Variants in NHLRC3 observed in about 807,000 individuals in gnomAD.
The protein encoded by NHLRC3 is NHL repeat-containing protein 3.
NHLRC3 carries 23 observed loss-of-function variants against 32.0 expected under a neutral mutation model. The observed-to-expected ratio is 0.72, with a 90% CI of 0.52 to 1.02. The LOEUF (loss-of-function observed/expected upper bound fraction) is 1.02, where lower values mean the gene tolerates loss of function less well. NHLRC3 is among the 50% of genes least tolerant of loss of function. The pLI is 0.00. For synonymous variants in NHLRC3, 159 were observed against 147.9 expected (o/e 1.08, Z -0.55); for missense variants, 407 against 406.8 (o/e 1.00, Z -0.01).
At position 39,048,087 on chromosome 13, in the gene NHLRC3, C is replaced by G; in HGVS notation, c.*161C>G. Reference sequence around the variant, plus strand: ...ATTAAGAATCTTATATTTTGTTGCCCTCTTGGGACTTAGTTTTATTTGTAA... The same window carrying G: ...ATTAAGAATCTTATATTTTGTTGCCGTCTTGGGACTTAGTTTTATTTGTAA... On this transcript the variant is annotated 3_prime_UTR_variant, in exon 7 of 7. Coordinates refer to ENST00000379600, the MANE Select transcript of NHLRC3 (RefSeq NM_001012754.4). The G allele has an allele frequency of 1.6e-6, 1 of 609,772 alleles. No individual in the cohort carries two copies. The highest frequency in any genetic ancestry group is 2.8e-6 in the Non-Finnish European group (1 of 359,804). 37.8% of individuals were successfully genotyped at this position (609,772 alleles called of 1,614,324 possible).
chr13:39,039,833 A>T (rs1287829166), intron 3 of NHLRC3, 122 bp downstream of exon 3: 1 of 693,362 alleles, frequency 1.4e-6, no homozygotes, highest in Non-Finnish European at 2.3e-6. Context: ...ACGATTCATG[A>T]AATCACATGT....
Position 39,038,735 on chromosome 13 carries a change from A to G in NHLRC3, c.84+12A>G, listed in dbSNP as rs1871314243. Reference sequence around the variant, plus strand: ...TTTGTGGCTCTCCAGTGAGTTGGGTAGTGAGGAAATGACTGTCGGGTGTGC... The same window carrying G: ...TTTGTGGCTCTCCAGTGAGTTGGGTGGTGAGGAAATGACTGTCGGGTGTGC... On this transcript the variant is annotated intron_variant, in intron 1 of 6. Coordinates refer to ENST00000379600, the MANE Select transcript of NHLRC3 (RefSeq NM_001012754.4). The G allele has an allele frequency of 6.2e-7, 1 of 1,608,536 alleles. No individual in the cohort carries two copies. Among genetic ancestry groups the G allele is most frequent in the Non-Finnish European group, 8.5e-7 (1 of 1,174,898 alleles).
At chr13:39,042,010 T>A in intron 3 of NHLRC3, 95 bp from the exon 4 acceptor site, 1 of 678,298 alleles carries the variant, frequency 1.5e-6, no homozygotes, top group South Asian at 1.8e-5. Context: ...TTGTTATTAT[T>A]TACTTCTATC....
Position 39,038,723 on chromosome 13 carries a change from A to C in NHLRC3, c.84A>C (p.Pro28=), listed in dbSNP as rs1871313145. The C allele has an allele frequency of 6.2e-7, 1 of 1,612,222 alleles. No individual in the cohort carries two copies. The highest frequency in any genetic ancestry group is 8.5e-7 in the Non-Finnish European group (1 of 1,178,448). The change falls in exon 1 of 7, where the codon CCA becomes CCC. Residue 28 remains proline (P), a splice_region_variant and synonymous_variant. Coordinates refer to ENST00000379600, the MANE Select transcript of NHLRC3 (RefSeq NM_001012754.4). ...LVLHSRFCGS[P]VLRNFTFAVS... ...TGCATTCGCGTTTTTGTGGCTCTCC[A>C]GTGAGTTGGGTAGTGAGGAAATGAC...
intron 5 of NHLRC3, chr13:39,044,574 C>A: frequency 6.1e-6 from 1 of 163,824 alleles, no homozygotes; most frequent in African/African-American, 2.4e-5. Context: ...TTTCACTTCT[C>A]AAGAAAAAAA....
chr13:39,040,565 C>G (rs972616219), intron 3 of NHLRC3: 5 of 152,136 alleles, frequency 3.3e-5, no homozygotes, highest in African/African-American at 1.2e-4. Context: ...GAATGTGCAG[C>G]TATGGAGAAA....
chr13:39,042,420 T>C, intron 4 of NHLRC3, 115 bp downstream of exon 4: 1 of 620,822 alleles, frequency 1.6e-6, no homozygotes, highest in Non-Finnish European at 2.7e-6. Context: ...GAGCTAAGTG[T>C]ATTACTACGA....
At chr13:39,039,032 G>T in intron 1 of NHLRC3, 104 bp from the exon 2 acceptor site, 1 of 924,372 alleles carries the variant, frequency 1.1e-6, no homozygotes, top group Non-Finnish European at 1.7e-6. Context: ...ACTTCTAGTT[G>T]TCAAGGCATG....
rs1380559333 is a variant in NHLRC3, at chr13:39,048,009, A to C, written c.*83A>C. 1 of 1,160,388 alleles carries C rather than the reference A, an allele frequency of 8.6e-7. No individual in the cohort carries two copies. The highest frequency in any genetic ancestry group is 1.2e-6 in the Non-Finnish European group (1 of 819,432). The allele number at this position is 1,160,388 out of a possible 1,614,324, so 71.9% of individuals were successfully genotyped here. ...TTAAAAATGATGTTCAAGCACAAGA[A>C]TTTATTTTTCTAGTATAAAAGATCT... On this transcript the variant is annotated 3_prime_UTR_variant, in exon 7 of 7. Transcript: ENST00000379600.
intron 1 of NHLRC3, 58 bp from the exon 2 acceptor site, chr13:39,039,078 C>CCATT: frequency 1.5e-5 from 16 of 1,038,004 alleles, no homozygotes; most frequent in Non-Finnish European, 1.9e-5. Context: ...CCCCCCCGCC[C>CCATT]TTTTTTTGTT....
In NHLRC3 at chr13:39,038,670, G is replaced by A; in HGVS notation, c.31G>A (p.Ala11Thr). The A allele has an allele frequency of 6.2e-7, 1 of 1,614,210 alleles. No homozygotes were observed. The highest frequency in any genetic ancestry group is 8.5e-7 in the Non-Finnish European group (1 of 1,180,044). Residue 11 changes from alanine to threonine, a missense_variant, in exon 1 of 7, where the codon GCT (alanine) becomes ACT (threonine). By Grantham distance (58) the Ala-to-Thr change is moderately conservative. Coordinates refer to ENST00000379600, the MANE Select transcript of NHLRC3 (RefSeq NM_001012754.4). Reference sequence around the variant, plus strand: ...GAGATTCTGGGTCTGCGTAGCCGGTGCTGGCTTCTTTCTTGCATTTTTGGT... The same window carrying A: ...GAGATTCTGGGTCTGCGTAGCCGGTACTGGCTTCTTTCTTGCATTTTTGGT... MARFWVCVAG[A>T]GFFLAFLVLH...
chr13:39,047,045 G>T lies in NHLRC3; in HGVS notation c.684G>T (p.Trp228Cys), dbSNP rs149002567. 49 of 1,601,362 alleles carry T rather than the reference G, an allele frequency of 3.1e-5. No individual in the cohort carries two copies. The highest frequency in any genetic ancestry group is 4.0e-5 in the Non-Finnish European group (47 of 1,169,692). Residue 228 changes from tryptophan to cysteine, a missense_variant, in exon 6 of 7, where the codon TGG becomes TGT. Transcript: ENST00000379600. Reference sequence around the variant, plus strand: ...CATTTTTGTGTGTTTCTCAGGTGTGGGTTGCTGACCGAGGAAATAAAAGAA... The same window carrying T: ...CATTTTTGTGTGTTTCTCAGGTGTGTGTTGCTGACCGAGGAAATAAAAGAA... ...SVTLDSAGRVWVADRGNKRIQ... is the reference protein window; with the variant it reads ...SVTLDSAGRVCVADRGNKRIQ...
intron 3 of NHLRC3, chr13:39,041,260 G>A (rs1871456034): frequency 6.6e-6 from 1 of 151,930 alleles, no homozygotes; most frequent in Admixed American, 6.6e-5. Flanking sequence ...GAAACTTGGA[G>A]GCTTATGTGT....
rs1871568640 is a variant in NHLRC3 at position 39,044,133 on chromosome 13, T to TG, written c.631dup (p.Ala211GlyfsTer2). The stretch of plus-strand genomic sequence containing the variant: ...TGCATGGAGAAAATGGGACAGGGCC[T>TG]GCTAAGTTCAACATACCTCACAGTG... On this transcript the variant is annotated frameshift_variant, in exon 5 of 7. Coordinates refer to ENST00000379600, the MANE Select transcript of NHLRC3 (RefSeq NM_001012754.4). LOFTEE classifies it high-confidence loss of function. 1 of 1,614,030 alleles carries TG rather than the reference T, an allele frequency of 6.2e-7. No individual in the cohort carries two copies. Among genetic ancestry groups the TG allele is most frequent in the Non-Finnish European group, 8.5e-7 (1 of 1,179,878 alleles).
chr13:39,039,058 T>G, intron 1 of NHLRC3, 78 bp from the exon 2 acceptor site: 1 of 922,044 alleles, frequency 1.1e-6, no homozygotes, highest in Non-Finnish European at 1.7e-6. Context: ...AAATAAGCCC[T>G]GTTACCCGGC....
chr13:39,039,537 A>T (rs777156591), intron 2 of NHLRC3, 27 bp from the exon 3 acceptor site: 1 of 1,585,468 alleles, frequency 6.3e-7, no homozygotes, highest in Non-Finnish European at 8.6e-7. Context: ...AGCTGATCCT[A>T]AGAAGTTATT....
At position 39,050,098 on chromosome 13, in the gene NHLRC3, A is replaced by G. The variant is rs1871848749; in HGVS notation, c.*2172A>G. 1 of 152,218 alleles carries G rather than the reference A, an allele frequency of 6.6e-6. No individual in the cohort carries two copies. The highest frequency in any genetic ancestry group is 1.5e-5 in the Non-Finnish European group (1 of 68,024). The allele number at this position is 152,218 out of a possible 1,614,324, so 9.4% of individuals were successfully genotyped here. ...GGCTCCCCAATTAAAGTTTGATTTT[A>G]TTGTCACAAAAGCAGTCTATAACTT... On this transcript the variant is annotated 3_prime_UTR_variant, in exon 7 of 7. Transcript: ENST00000379600.
intron 4 of NHLRC3, among the ~76,000 whole-genome samples, chr13:39,043,089 C>A (rs1197301817): frequency 6.6e-6 from 1 of 152,146 alleles, no homozygotes. Flanking sequence ...ATAAGACATT[C>A]TTTTAGGATC....
Position 39,048,140 on chromosome 13 carries a change from A to C in NHLRC3, c.*214A>C, listed in dbSNP as rs1241659889. The C allele has an allele frequency of 2.1e-5, 9 of 427,140 alleles. No individual in the cohort carries two copies. Among genetic ancestry groups the C allele is most frequent in the Non-Finnish European group, 3.3e-5 (8 of 239,138 alleles). 26.5% of individuals were successfully genotyped at this position (427,140 alleles called of 1,614,324 possible). On this transcript the variant is annotated 3_prime_UTR_variant, in exon 7 of 7. Transcript: ENST00000379600. ...GCATAAGGATATTTTAATGAAAGGA[A>C]AGTAACTAAAAAATGGGGTTGGGAA...
Sources: allele counts gnomAD v4.1 joint callset (sites outside exome capture counted in the v4.1 genomes callset), GRCh38; gene constraint gnomAD v4.1.1; transcripts MANE v1.5; gene names NCBI Gene and HGNC (gene_info 2026-07-23, HGNC 2026-07-21).